The following AKAP6 variants were observed in gnomAD, a reference collection of about 807,000 sequenced individuals.
The protein encoded by AKAP6 is A-kinase anchor protein 6.
In AKAP6, 58 loss-of-function variants were observed where a neutral mutation model predicts 188.5. The observed-to-expected ratio is 0.31, with a 90% CI of 0.25 to 0.38. The LOEUF is 0.38. Ranked by LOEUF, AKAP6 falls within the 10% of genes least tolerant of loss-of-function variation. The probability of loss-of-function intolerance (pLI) is 1.00; values close to 1 mark genes in which losing one functional copy is unlikely to be tolerated. For missense variants in AKAP6, 2,710 were observed against 2,740.0 expected, an observed-to-expected ratio of 0.99 and a Z score of 0.24; for synonymous variants, 989 against 998.6, an observed-to-expected ratio of 0.99 and a Z score of 0.18.
At chr14:32,399,531 A>T (rs945988247) in intron 1 of AKAP6, among the ~76,000 whole-genome samples, 1 of 152,154 alleles carries the variant, frequency 6.6e-6, no homozygotes, top group Non-Finnish European at 1.5e-5. Context: ...TACACATTGG[A>T]TACCACCTCA....
intron 2 of AKAP6, among the ~76,000 whole-genome samples, chr14:32,523,524 A>G (rs2139070503): frequency 6.7e-6 from 1 of 149,812 alleles, no homozygotes; most frequent in East Asian, 2.0e-4. Flanking sequence ...GCTAGAGTGC[A>G]GTGATGTGAT....
At chr14:32,740,399 T>G (rs1174269854) in intron 11 of AKAP6, among the ~76,000 whole-genome samples, 1 of 152,104 alleles carries the variant, frequency 6.6e-6, no homozygotes, top group Non-Finnish European at 1.5e-5. Context: ...TGTCCATTTT[T>G]GCTGAGGTTG....
At chr14:32,660,933 CCT>C (rs544517210) in intron 7 of AKAP6, among the ~76,000 whole-genome samples, 27,759 of 102,986 alleles carry the variant, frequency 0.27, 4,511 homozygotes, top group East Asian at 0.71. Flanking sequence ...CACCCCCCCC[CCT>C]CCCAATTCCA....
At chr14:32,632,477 G>C (rs766276677) in intron 7 of AKAP6, among the ~76,000 whole-genome samples, 4 of 152,106 alleles carry the variant, frequency 2.6e-5, no homozygotes, top group Non-Finnish European at 5.9e-5. Context: ...AGAAAGAAGA[G>C]AGACCATTTT....
At chr14:32,336,644 A>G (rs565486285) in intron 1 of AKAP6, among the ~76,000 whole-genome samples, 1 of 152,174 alleles carries the variant, frequency 6.6e-6, no homozygotes, top group Admixed American at 6.5e-5. Flanking sequence ...AGCTCCAAGC[A>G]TATCTGTGGA....
At chr14:32,330,713 ATTTTTTTTTTTTTTTTTT>A (rs35147196) in intron 1 of AKAP6, among the ~76,000 whole-genome samples, 9 of 62,410 alleles carry the variant, frequency 1.4e-4, no homozygotes, top group African/African-American at 6.6e-4. Context: ...GCTTGGAGTG[ATTTTTTTTTTTTTTTTTT>A]TTTTTTTTTT....
chr14:32,424,257 C>G (rs957450323), intron 1 of AKAP6, among the ~76,000 whole-genome samples: 1 of 152,106 alleles, frequency 6.6e-6, no homozygotes, highest in Non-Finnish European at 1.5e-5. Context: ...AACTCCATAA[C>G]ATGGCATTCT....
At chr14:32,514,046 C>A (rs1197569359) in intron 2 of AKAP6, among the ~76,000 whole-genome samples, 11 of 152,094 alleles carry the variant, frequency 7.2e-5, no homozygotes. Flanking sequence ...TAGGTAAATT[C>A]ATTATTGCCT....
chr14:32,714,721 T>C (rs889117316), intron 9 of AKAP6, among the ~76,000 whole-genome samples: 2 of 151,974 alleles, frequency 1.3e-5, no homozygotes, highest in African/African-American at 4.8e-5. Flanking sequence ...TCAGTTTTTT[T>C]CACAGCATGG....
chr14:32,380,516 A>G lies in AKAP6; in HGVS notation c.-35+51108A>G, dbSNP rs531480480. On this transcript the variant is annotated intron_variant, in intron 1 of 13. Coordinates refer to ENST00000280979, the MANE Select transcript of AKAP6 (RefSeq NM_004274.5). ...ATGAAGATTTTGAAAGGTCTTTTCTACTTACATTTGGGCTTGAAGTTGTGT... is the reference window on the plus strand; with the variant it reads ...ATGAAGATTTTGAAAGGTCTTTTCTGCTTACATTTGGGCTTGAAGTTGTGT... Among the ~76,000 whole-genome samples, 4 of 152,342 alleles carry G rather than the reference A, an allele frequency of 2.6e-5. No homozygotes were observed. In the East Asian group the frequency reaches 5.8e-4, roughly 22 times the overall value.
chr14:32,652,913 C>T (rs974684016), intron 7 of AKAP6, among the ~76,000 whole-genome samples: 1 of 152,042 alleles, frequency 6.6e-6, no homozygotes, highest in East Asian at 1.9e-4. Flanking sequence ...ATTAGCTGGC[C>T]ATGGTGGCAC....
intron 2 of AKAP6, among the ~76,000 whole-genome samples, chr14:32,516,227 A>G (rs921030802): frequency 6.6e-6 from 1 of 152,250 alleles, no homozygotes; most frequent in African/African-American, 2.4e-5. Context: ...CTCTCAGGGT[A>G]TGCCTTCTAA....
intron 9 of AKAP6, among the ~76,000 whole-genome samples, chr14:32,712,681 T>C (rs2029954960): frequency 6.6e-6 from 1 of 152,112 alleles, no homozygotes; most frequent in Non-Finnish European, 1.5e-5. Context: ...AACACATCAT[T>C]TGTTCAAGTT....
At chr14:32,660,565 AC>A (rs1331361639) in intron 7 of AKAP6, among the ~76,000 whole-genome samples, 1 of 152,122 alleles carries the variant, frequency 6.6e-6, no homozygotes, top group Non-Finnish European at 1.5e-5. Flanking sequence ...AAAAGAAGTG[AC>A]TTTAGAGCCT....
chr14:32,758,201 T>G (rs2032410535), intron 11 of AKAP6, among the ~76,000 whole-genome samples: 1 of 152,160 alleles, frequency 6.6e-6, no homozygotes, highest in Non-Finnish European at 1.5e-5. Context: ...CTAGCTAACT[T>G]AGCCTCCTTA....
intron 3 of AKAP6, 135 bp from the exon 4 acceptor site, chr14:32,545,095 G>A (rs1326337553): frequency 6.5e-6 from 5 of 763,732 alleles, no homozygotes; most frequent in Admixed American, 5.3e-5. Context: ...ATCCCTTTGT[G>A]TATGTCAAAC....
intron 1 of AKAP6, among the ~76,000 whole-genome samples, chr14:32,365,800 A>G (rs545424758): frequency 2.0e-5 from 3 of 152,216 alleles, no homozygotes; most frequent in African/African-American, 7.2e-5. Context: ...TTCACTGAGC[A>G]GCTTTTGATC....
chr14:32,576,305 G>C (rs533444621), intron 4 of AKAP6, among the ~76,000 whole-genome samples: 2 of 152,050 alleles, frequency 1.3e-5, no homozygotes. Context: ...ACCCAGACAC[G>C]GAAAGCAGGA....
chr14:32,769,037 A>ATATT (rs2032806521), intron 11 of AKAP6, among the ~76,000 whole-genome samples: 1 of 56,926 alleles, frequency 1.8e-5, no homozygotes, highest in African/African-American at 7.1e-5. Context: ...TGCTCTTTTG[A>ATATT]TTTTTTTTTT....
Sources: gnomAD v4.1 joint callset for allele counts (sites outside exome capture counted in the v4.1 genomes callset) on GRCh38, gnomAD v4.1.1 for gene constraint, MANE v1.5 for transcripts, NCBI Gene and HGNC (gene_info 2026-07-23, HGNC 2026-07-21) for gene names.